Variants in HS2ST1 observed in about 807,000 individuals in gnomAD.
HS2ST1 encodes 2-O-sulfotransferase.
A neutral mutation model predicts 42.9 loss-of-function variants in HS2ST1; 18 were observed. The observed-to-expected ratio is 0.42, with a 90% CI of 0.29 to 0.62. HS2ST1 has a LOEUF of 0.62. HS2ST1 is among the 20% of genes least tolerant of loss of function. The pLI is 0.21. For missense variants in HS2ST1, 334 were observed against 433.8 expected (o/e 0.77, Z 2.04); for synonymous variants, 146 against 152.9 (o/e 0.95, Z 0.33).
At chr1:87,093,473 G>A (rs1035346105) in intron 4 of HS2ST1, among the ~76,000 whole-genome samples, 8 of 151,994 alleles carry the variant, frequency 5.3e-5, no homozygotes, top group African/African-American at 1.4e-4. Flanking sequence ...GACCACTTCC[G>A]TAAAGTCTTT....
intron 1 of HS2ST1, chr1:87,046,535 G>C: frequency 6.5e-7 from 1 of 1,544,228 alleles, no homozygotes; most frequent in Non-Finnish European, 8.9e-7. Context: ...TTTTAAAGAT[G>C]ACATCAGGTA....
intron 1 of HS2ST1, among the ~76,000 whole-genome samples, chr1:87,020,443 A>G (rs997347662): frequency 1.3e-5 from 2 of 152,230 alleles, no homozygotes; most frequent in Non-Finnish European, 2.9e-5. Context: ...ACTTTCCCAC[A>G]TGAATGCTCT....
chr1:87,038,807 C>T (rs1467576036), intron 1 of HS2ST1, among the ~76,000 whole-genome samples: 5 of 151,564 alleles, frequency 3.3e-5, no homozygotes, highest in Non-Finnish European at 5.9e-5. Flanking sequence ...GGGAATTGGG[C>T]AGATAGATAC....
chr1:87,003,672 A>G (rs1649352902), intron 1 of HS2ST1, among the ~76,000 whole-genome samples: 1 of 151,790 alleles, frequency 6.6e-6, no homozygotes, highest in African/African-American at 2.4e-5. Context: ...AAATATTCAG[A>G]GAAAGGATGG....
chr1:86,947,204 C>G (rs1369968979), intron 1 of HS2ST1, among the ~76,000 whole-genome samples: 1 of 152,146 alleles, frequency 6.6e-6, no homozygotes, highest in Non-Finnish European at 1.5e-5. Flanking sequence ...TGCTAAGTGA[C>G]CACCCTTGAA....
intron 1 of HS2ST1, among the ~76,000 whole-genome samples, chr1:86,961,141 T>TA (rs11284968): frequency 3.4e-5 from 5 of 148,390 alleles, no homozygotes; most frequent in African/African-American, 1.2e-4. Context: ...GTCTATTTAA[T>TA]AAAAAAAAAA....
intron 5 of HS2ST1, among the ~76,000 whole-genome samples, chr1:87,099,140 T>C (rs1652140792): frequency 6.6e-6 from 1 of 152,230 alleles, no homozygotes. Context: ...TTTTACTTAT[T>C]GCTTGTGGCT....
intron 1 of HS2ST1, among the ~76,000 whole-genome samples, chr1:87,006,186 G>A (rs1308313174): frequency 6.6e-6 from 1 of 152,070 alleles, no homozygotes; most frequent in East Asian, 1.9e-4. Flanking sequence ...TCCTTGTAAT[G>A]TTTTCCATTA....
At chr1:87,004,835 A>G (rs1649390199) in intron 1 of HS2ST1, among the ~76,000 whole-genome samples, 1 of 152,232 alleles carries the variant, frequency 6.6e-6, no homozygotes, top group Non-Finnish European at 1.5e-5. Context: ...CAACCAATAT[A>G]GAAATCCAGG....
At chr1:87,068,356 GCTCT>G (rs1570526434) in intron 1 of HS2ST1, among the ~76,000 whole-genome samples, 1 of 151,918 alleles carries the variant, frequency 6.6e-6, no homozygotes, top group South Asian at 2.1e-4. Context: ...TCATGATTTG[GCTCT>G]CTATTATTGG....
chr1:87,020,688 C>T (rs1413438009), intron 1 of HS2ST1, among the ~76,000 whole-genome samples: 3 of 152,216 alleles, frequency 2.0e-5, no homozygotes, highest in Non-Finnish European at 2.9e-5. Context: ...ATTTGAGGCC[C>T]CTTCCCTTGG....
chr1:86,953,399 A>G (rs1647579531), intron 1 of HS2ST1, among the ~76,000 whole-genome samples: 1 of 152,180 alleles, frequency 6.6e-6, no homozygotes, highest in African/African-American at 2.4e-5. Context: ...TGCATTCTCA[A>G]CTTGACTCTT....
chr1:86,917,697 A>G (rs925715725), intron 1 of HS2ST1, among the ~76,000 whole-genome samples: 20 of 152,194 alleles, frequency 1.3e-4, no homozygotes, highest in Admixed American at 6.5e-5. Flanking sequence ...GCTGCTTAAG[A>G]CTTTATATTG....
At chr1:86,986,406 C>T (rs1242185456) in intron 1 of HS2ST1, among the ~76,000 whole-genome samples, 5 of 152,068 alleles carry the variant, frequency 3.3e-5, no homozygotes, top group African/African-American at 9.7e-5. Context: ...GCCAGTCTTC[C>T]GATTCTCTCA....
At chr1:87,069,116 T>G (rs2100631338) in intron 1 of HS2ST1, among the ~76,000 whole-genome samples, 2 of 152,336 alleles carry the variant, frequency 1.3e-5, no homozygotes, top group East Asian at 3.9e-4. Context: ...CTAGTCTTGC[T>G]GTCTCATGGA....
chr1:87,064,102 C>T (rs1164192394), intron 1 of HS2ST1, among the ~76,000 whole-genome samples: 3 of 152,012 alleles, frequency 2.0e-5, no homozygotes, highest in Admixed American at 6.6e-5. Context: ...GTGGGGGGGC[C>T]GGTTTTTCCT....
chr1:86,995,156 T>G (rs1195222069), intron 1 of HS2ST1, among the ~76,000 whole-genome samples: 1 of 152,192 alleles, frequency 6.6e-6, no homozygotes, highest in Non-Finnish European at 1.5e-5. Context: ...GATTTCTTGT[T>G]TCTCAATTAG....
chr1:86,961,821 G>A (rs1372088251), intron 1 of HS2ST1, among the ~76,000 whole-genome samples: 1 of 151,924 alleles, frequency 6.6e-6, no homozygotes, highest in Admixed American at 6.6e-5. Context: ...TTCTCTATAT[G>A]GATGTGCCTG....
chr1:86,915,063 G>T lies in HS2ST1; in HGVS notation c.27G>T (p.Pro9=), dbSNP rs764415132. 76 of 1,614,020 alleles carry T rather than the reference G, an allele frequency of 4.7e-5. No individual in the cohort carries two copies. The highest frequency in any genetic ancestry group is 6.3e-5 in the Non-Finnish European group (74 of 1,180,018). MGLLRIMM[P]PKLQLLAVVA... is the part of the protein sequence containing the mutation. ...TGGGGCTCCTCAGGATTATGATGCCGCCCAAGTTGCAGCTGCTGGCGGTGG... is the reference window on the plus strand; with the variant it reads ...TGGGGCTCCTCAGGATTATGATGCCTCCCAAGTTGCAGCTGCTGGCGGTGG... The change falls in exon 1 of 7, where the codon CCG becomes CCT. Residue 9 remains proline, a synonymous_variant. Coordinates refer to ENST00000370550, the MANE Select transcript of HS2ST1 (RefSeq NM_012262.4).
Sources: gnomAD v4.1 joint callset for allele counts (sites outside exome capture counted in the v4.1 genomes callset) on GRCh38, gnomAD v4.1.1 for gene constraint, MANE v1.5 for transcripts, NCBI Gene and HGNC (gene_info 2026-07-23, HGNC 2026-07-21) for gene names.